The following CPHXL2 variants were observed in gnomAD, a reference collection of about 807,000 sequenced individuals.
CPHXL2 encodes cytoplasmic polyadenylated homeobox-like protein 2.
chr16:75,660,415 G>A, the CPHXL2 span: 1 of 398,662 alleles, frequency 2.5e-6, no homozygotes, highest in Non-Finnish European at 4.4e-6. Flanking sequence ...ATTTGGGGAG[G>A]CACGTGCTGC....
the CPHXL2 span, among the ~76,000 whole-genome samples, chr16:75,673,142 T>C: frequency 6.6e-6 from 1 of 150,386 alleles, no homozygotes; most frequent in Admixed American, 6.6e-5. Flanking sequence ...TGTAGTCAAT[T>C]CTGATTTGGA....
At chr16:75,661,850 C>G in the CPHXL2 span, among the ~76,000 whole-genome samples, 1 of 152,120 alleles carries the variant, frequency 6.6e-6, no homozygotes, top group Non-Finnish European at 1.5e-5. Context: ...TTCCTCTGCT[C>G]TCATACCACA....
the CPHXL2 span, among the ~76,000 whole-genome samples, chr16:75,668,197 TTCTCTCTC>T: frequency 7.0e-6 from 1 of 143,572 alleles, no homozygotes; most frequent in Non-Finnish European, 1.5e-5. Flanking sequence ...TACTGCTTAA[TTCTCTCTC>T]TCTCTCTCTA....
At chr16:75,665,465 G>A in the CPHXL2 span, among the ~76,000 whole-genome samples, 1 of 152,184 alleles carries the variant, frequency 6.6e-6, no homozygotes. Context: ...GCCACACTAC[G>A]AGAACTGCTA....
chr16:75,675,219 A>G, the CPHXL2 span, among the ~76,000 whole-genome samples: 2 of 149,176 alleles, frequency 1.3e-5, no homozygotes, highest in African/African-American at 4.9e-5. Flanking sequence ...ATGGGGTTTC[A>G]CCATATTGGT....
chr16:75,668,690 GACCTAAT>G, the CPHXL2 span, among the ~76,000 whole-genome samples: 159 of 152,190 alleles, frequency 1.0e-3, 3 homozygotes, highest in Non-Finnish European at 2.4e-4. Context: ...TTACTTACAA[GACCTAAT>G]ACCTAATATA....
At chr16:75,670,364 C>G in the CPHXL2 span, among the ~76,000 whole-genome samples, 1 of 152,128 alleles carries the variant, frequency 6.6e-6, no homozygotes, top group East Asian at 1.9e-4. Flanking sequence ...AGGGAGAGAA[C>G]AGAGGCCTCT....
At chr16:75,675,720 C>T in the CPHXL2 span, among the ~76,000 whole-genome samples, 1 of 152,282 alleles carries the variant, frequency 6.6e-6, no homozygotes, top group South Asian at 2.1e-4. Context: ...GCCATTGTTA[C>T]TCTGGGTGCT....
chr16:75,667,576 TATG>T, the CPHXL2 span, among the ~76,000 whole-genome samples: 2 of 152,230 alleles, frequency 1.3e-5, no homozygotes, highest in South Asian at 2.1e-4. Context: ...CAACTGATTC[TATG>T]ATATCAGAAA....
chr16:75,675,095 A>C, the CPHXL2 span, among the ~76,000 whole-genome samples: 1 of 149,578 alleles, frequency 6.7e-6, no homozygotes, highest in African/African-American at 2.4e-5. Flanking sequence ...AGGCTTAGGC[A>C]GGAGAATCGC....
At chr16:75,669,372 G>A in the CPHXL2 span, 3 of 400,068 alleles carry the variant, frequency 7.5e-6, no homozygotes, top group East Asian at 3.6e-5. Context: ...CGTTTATCAC[G>A]TTAACCGGAC....
At chr16:75,660,867 G>T in the CPHXL2 span, 1 of 398,530 alleles carries the variant, frequency 2.5e-6, no homozygotes, top group Non-Finnish European at 4.4e-6. Flanking sequence ...AGCATAGCCT[G>T]GATGCTTTTC....
chr16:75,676,080 CA>C, the CPHXL2 span, among the ~76,000 whole-genome samples: 31 of 143,948 alleles, frequency 2.2e-4, no homozygotes, highest in Non-Finnish European at 2.8e-4. Context: ...ACTCCGTCTC[CA>C]AAAAAAAAAA....
At chr16:75,671,727 CTG>C in the CPHXL2 span, among the ~76,000 whole-genome samples, 1 of 152,152 alleles carries the variant, frequency 6.6e-6, no homozygotes. Context: ...AATGAAGTAA[CTG>C]GTGTTAAACA....
chr16:75,668,476 T>C, the CPHXL2 span, among the ~76,000 whole-genome samples: 296 of 152,216 alleles, frequency 1.9e-3, 2 homozygotes, highest in African/African-American at 6.7e-3. Context: ...ATTCGCCCAC[T>C]GTGGCCTCCC....
chr16:75,666,006 C>T, the CPHXL2 span, among the ~76,000 whole-genome samples: 3 of 152,174 alleles, frequency 2.0e-5, no homozygotes, highest in Non-Finnish European at 2.9e-5. Context: ...GATAAGAACT[C>T]ACCAATCACA....
At chr16:75,674,372 C>CAAAAAAAAAAAAAAAAAA in the CPHXL2 span, among the ~76,000 whole-genome samples, 1 of 53,400 alleles carries the variant, frequency 1.9e-5, no homozygotes. Context: ...GACTCCGTCT[C>CAAAAAAAAAAAAAAAAAA]AAAAAAAAAA....
the CPHXL2 span, among the ~76,000 whole-genome samples, chr16:75,675,553 T>C: frequency 6.6e-6 from 1 of 152,066 alleles, no homozygotes; most frequent in Admixed American, 6.6e-5. Context: ...AAAAAATGTT[T>C]GGAAGTCTTG....
the CPHXL2 span, chr16:75,660,577 G>A: frequency 1.2e-4 from 46 of 398,634 alleles, no homozygotes; most frequent in African/African-American, 7.6e-4. Flanking sequence ...TTCTGAGGCT[G>A]TTGGTGCTGC....
Sources: allele counts gnomAD v4.1 joint callset (sites outside exome capture counted in the v4.1 genomes callset), GRCh38; gene constraint gnomAD v4.1.1; transcripts MANE v1.5; gene names NCBI Gene and HGNC (gene_info 2026-07-23, HGNC 2026-07-21).